Variants in DCLK1 observed in about 807,000 individuals in gnomAD.
DCLK1 encodes doublecortin like kinase 1.
DCLK1 carries 16 observed loss-of-function variants against 86.2 expected under a neutral mutation model. The observed-to-expected ratio is 0.19, with a 90% CI of 0.13 to 0.28. The LOEUF (loss-of-function observed/expected upper bound fraction) is 0.28, where lower values mean the gene tolerates loss of function less well. DCLK1 is among the 10% of genes least tolerant of loss of function. The probability of loss-of-function intolerance (pLI) is 1.00; values close to 1 mark genes in which losing one functional copy is unlikely to be tolerated. For synonymous variants in DCLK1, 369 were observed against 370.5 expected, an observed-to-expected ratio of 1.00 and a Z score of 0.05; for missense variants, 590 against 940.2, an observed-to-expected ratio of 0.63 and a Z score of 4.87.
intron 3 of DCLK1, among the ~76,000 whole-genome samples, chr13:36,052,209 C>A (rs547517166): frequency 6.6e-6 from 1 of 152,200 alleles, no homozygotes; most frequent in Non-Finnish European, 1.5e-5. Context: ...TAGTAATTGC[C>A]TTTTGAGATG....
At chr13:35,904,958 C>G (rs963827458) in intron 4 of DCLK1, among the ~76,000 whole-genome samples, 3 of 152,226 alleles carry the variant, frequency 2.0e-5, no homozygotes, top group African/African-American at 7.2e-5. Context: ...CTGAAACTAT[C>G]TGTGCACTTA....
intron 3 of DCLK1, among the ~76,000 whole-genome samples, chr13:36,097,491 A>G (rs1013587802): frequency 5.9e-5 from 9 of 152,220 alleles, no homozygotes; most frequent in Admixed American, 6.5e-5. Flanking sequence ...TGTTAGTTAC[A>G]TTAAAAATGT....
intron 3 of DCLK1, among the ~76,000 whole-genome samples, chr13:35,968,530 C>T (rs17053267): frequency 0.036 from 5,509 of 152,140 alleles, 336 homozygotes; most frequent in African/African-American, 0.13. Flanking sequence ...TACAAGTCTA[C>T]GGCAGAAAGT....
At chr13:35,991,456 T>C (rs1390058385) in intron 3 of DCLK1, among the ~76,000 whole-genome samples, 1 of 151,728 alleles carries the variant, frequency 6.6e-6, no homozygotes, top group African/African-American at 2.4e-5. Flanking sequence ...AGCCCAGGAG[T>C]TCGAGACCAG....
At chr13:36,001,619 G>A (rs548175532) in intron 3 of DCLK1, among the ~76,000 whole-genome samples, 2 of 152,300 alleles carry the variant, frequency 1.3e-5, no homozygotes, top group South Asian at 4.1e-4. Context: ...TAAATGGAAA[G>A]GATGTGTGGC....
chr13:36,056,019 G>A (rs557713958), intron 3 of DCLK1, among the ~76,000 whole-genome samples: 3 of 150,462 alleles, frequency 2.0e-5, no homozygotes, highest in Non-Finnish European at 3.0e-5. Flanking sequence ...CTGTTGGTGG[G>A]ACTGTAAACT....
At chr13:35,803,375 T>C (rs1174803908) in intron 15 of DCLK1, among the ~76,000 whole-genome samples, 2 of 152,210 alleles carry the variant, frequency 1.3e-5, no homozygotes, top group Non-Finnish European at 2.9e-5. Context: ...CACTCCTGGA[T>C]ACTGGCTGTA....
intron 10 of DCLK1, among the ~76,000 whole-genome samples, chr13:35,824,734 C>T (rs867327106): frequency 6.6e-6 from 1 of 152,164 alleles, no homozygotes; most frequent in African/African-American, 2.4e-5. Context: ...CAAGAAATCA[C>T]CATTCTTTTC....
chr13:36,053,019 A>G (rs1052903893), intron 3 of DCLK1, among the ~76,000 whole-genome samples: 1 of 152,128 alleles, frequency 6.6e-6, no homozygotes, highest in Admixed American at 6.6e-5. Context: ...TTTCCCTTGT[A>G]TTTAGCTGAA....
intron 3 of DCLK1, among the ~76,000 whole-genome samples, chr13:36,072,750 C>G (rs1204321727): frequency 6.6e-6 from 1 of 152,204 alleles, no homozygotes; most frequent in Non-Finnish European, 1.5e-5. Flanking sequence ...GCCATACACC[C>G]TGCAACCAGC....
At chr13:36,008,126 A>C (rs1177674) in intron 3 of DCLK1, among the ~76,000 whole-genome samples, 139,221 of 139,274 alleles carry the variant, frequency 1, 69,584 homozygotes, top group Middle Eastern at 1. Flanking sequence ...TTAACACTGA[A>C]CTTCTCTCTA....
rs191309858 is a variant in DCLK1, at chr13:36,125,598, C to G, written c.376+164G>C. On this transcript the variant is annotated intron_variant, in intron 2 of 16. Coordinates refer to ENST00000360631, the MANE Select transcript of DCLK1 (RefSeq NM_001330071.2). Reference sequence around the variant, plus strand: ...CTGACAATACCATTAATTTTTTTTCCTTTTTACTCTACACAATAGCACATT... The same window carrying G: ...CTGACAATACCATTAATTTTTTTTCGTTTTTACTCTACACAATAGCACATT... Among the ~76,000 whole-genome samples, 252 of 152,122 alleles carry G rather than the reference C, an allele frequency of 1.7e-3. 1 individual carries two copies. The highest frequency in any genetic ancestry group is 2.0e-3 in the Non-Finnish European group (136 of 67,982).
intron 4 of DCLK1, among the ~76,000 whole-genome samples, chr13:35,872,650 T>C (rs886467952): frequency 6.6e-6 from 1 of 152,148 alleles, no homozygotes; most frequent in Non-Finnish European, 1.5e-5. Context: ...CTCAAAAATA[T>C]TTACCGACCC....
At chr13:35,822,962 C>T (rs944011981) in intron 10 of DCLK1, 87 bp from the exon 11 acceptor site, 4 of 1,472,742 alleles carry the variant, frequency 2.7e-6, no homozygotes, top group Non-Finnish European at 2.8e-6. Context: ...CCCCAAAGGA[C>T]AGGAAGAATG....
chr13:35,940,032 C>T lies in DCLK1; in HGVS notation c.823+7326G>A, dbSNP rs117997688. ...TTAAACGTCTGTATGGATAGCCTGG[C>T]CAACAGGGCAATAACCCGTCTCTAC... On this transcript the variant is annotated intron_variant, in intron 4 of 16. Transcript: ENST00000360631. Among the ~76,000 whole-genome samples, 709 of 152,238 alleles carry T rather than the reference C, an allele frequency of 4.7e-3. 15 individuals are homozygous for T. In the East Asian group the frequency reaches 0.054, roughly 12 times the overall value.
At chr13:35,839,202 T>C (rs920708351) in intron 6 of DCLK1, 26 bp from the exon 7 acceptor site, 4 of 1,554,076 alleles carry the variant, frequency 2.6e-6, no homozygotes. Flanking sequence ...AACCGGTAAT[T>C]CAAAAACTGG....
At position 36,045,350 on chromosome 13, in the gene DCLK1, A is replaced by C. The variant is rs868364457; in HGVS notation, c.723+66519T>G. Among the ~76,000 whole-genome samples the C allele has an allele frequency of 1.2e-4, 13 of 110,662 alleles. 1 individual carries two copies. The highest frequency in any genetic ancestry group is 5.1e-4 in the East Asian group (2 of 3,916). 72.6% of individuals were successfully genotyped at this position (110,662 alleles called of 152,430 possible). A position where few individuals can be genotyped will look rare whatever the true frequency, so the allele number is the denominator to read the frequency against. On this transcript the variant is annotated intron_variant, in intron 3 of 16. Coordinates refer to ENST00000360631, the MANE Select transcript of DCLK1 (RefSeq NM_001330071.2). ...TGTGTGTGTATATATATATATATAT[A>C]TATATATATATATATATATATATAT...
chr13:35,840,476 C>A (rs193103422), intron 6 of DCLK1, among the ~76,000 whole-genome samples: 32 of 152,248 alleles, frequency 2.1e-4, no homozygotes, highest in African/African-American at 7.2e-4. Context: ...ACAGTTGACA[C>A]CATTGGGATG....
At chr13:36,082,641 C>G (rs1404728198) in intron 3 of DCLK1, among the ~76,000 whole-genome samples, 1 of 152,168 alleles carries the variant, frequency 6.6e-6, no homozygotes, top group Non-Finnish European at 1.5e-5. Flanking sequence ...TCCTCTCCTC[C>G]AACATCAGCT....
Sources: allele counts gnomAD v4.1 joint callset (sites outside exome capture counted in the v4.1 genomes callset), GRCh38; gene constraint gnomAD v4.1.1; transcripts MANE v1.5; gene names NCBI Gene and HGNC (gene_info 2026-07-23, HGNC 2026-07-21).